SH3RF3: variants seen among roughly 807,000 people sequenced by gnomAD.
SH3RF3 encodes the protein E3 ubiquitin-protein ligase SH3RF3.
SH3RF3 carries 29 observed loss-of-function variants against 66.3 expected under a neutral mutation model. That is an observed-to-expected ratio of 0.44 (90% CI 0.33 to 0.60). SH3RF3 has a LOEUF of 0.60. Ranked by LOEUF, SH3RF3 falls within the 20% of genes least tolerant of loss-of-function variation. The pLI, the probability that SH3RF3 is intolerant of heterozygous loss-of-function variation, is 0.04. For missense variants in SH3RF3, 1,194 were observed against 1,190.9 expected (o/e 1.00, Z -0.04); for synonymous variants, 583 against 532.0 (o/e 1.10, Z -1.32).
intron 1 of SH3RF3, among the ~76,000 whole-genome samples, chr2:109,315,858 A>G (rs1045798078): frequency 6.6e-6 from 1 of 152,154 alleles, no homozygotes; most frequent in Admixed American, 6.5e-5. Flanking sequence ...TCAGGACGTG[A>G]TCTAGGCATC....
At chr2:109,440,145 T>C (rs1166268744) in intron 7 of SH3RF3, among the ~76,000 whole-genome samples, 1 of 152,216 alleles carries the variant, frequency 6.6e-6, no homozygotes, top group Non-Finnish European at 1.5e-5. Context: ...AGTTGTGACA[T>C]GACTGAAGCA....
chr2:109,451,535 T>G lies in SH3RF3; in HGVS notation c.2148+2046T>G, dbSNP rs551558452. The stretch of plus-strand genomic sequence containing the variant: ...ATTGCTGAGTGGGTTTCTATGACAT[T>G]ACGTCCTGTACGAATCTACACGGAG... On this transcript the variant is annotated intron_variant, in intron 8 of 9. Coordinates refer to ENST00000309415, the MANE Select transcript of SH3RF3 (RefSeq NM_001099289.3). Among the ~76,000 whole-genome samples, 203 of 151,274 alleles carry G rather than the reference T, an allele frequency of 1.3e-3. 3 individuals carry two copies. Among genetic ancestry groups the G allele is most frequent in the Middle Eastern group, 6.9e-3 (2 of 290 alleles).
intron 4 of SH3RF3, among the ~76,000 whole-genome samples, chr2:109,405,915 C>T (rs767720855): frequency 2.6e-5 from 4 of 152,246 alleles, no homozygotes; most frequent in Non-Finnish European, 5.9e-5. Flanking sequence ...AAGACAGCAC[C>T]GGCAGCATTC....
At chr2:109,175,254 C>G (rs1677888987) in intron 1 of SH3RF3, among the ~76,000 whole-genome samples, 1 of 152,152 alleles carries the variant, frequency 6.6e-6, no homozygotes, top group African/African-American at 2.4e-5. Context: ...TTGCCTGGCA[C>G]TTGTACTTCA....
chr2:109,497,279 T>C (rs1342223487), intron 9 of SH3RF3, among the ~76,000 whole-genome samples: 1 of 152,188 alleles, frequency 6.6e-6, no homozygotes, highest in Non-Finnish European at 1.5e-5. Context: ...TTCCATGGAC[T>C]CAGGGGCTCA....
chr2:109,240,501 A>C (rs1014941671), intron 1 of SH3RF3, among the ~76,000 whole-genome samples: 1 of 152,108 alleles, frequency 6.6e-6, no homozygotes, highest in African/African-American at 2.4e-5. Flanking sequence ...AAATACAAAC[A>C]ACAAAAACTA....
chr2:109,272,905 A>G (rs1000520892), intron 1 of SH3RF3, among the ~76,000 whole-genome samples: 3 of 152,174 alleles, frequency 2.0e-5, no homozygotes. Flanking sequence ...TTGTCATGCC[A>G]AGACAGTTTC....
chr2:109,351,082 G>A (rs558286664), intron 2 of SH3RF3, among the ~76,000 whole-genome samples: 1 of 152,342 alleles, frequency 6.6e-6, no homozygotes, highest in Admixed American at 6.5e-5. Context: ...ATCAGTTTTT[G>A]TAAAGCAGCT....
intron 1 of SH3RF3, among the ~76,000 whole-genome samples, chr2:109,318,728 G>A (rs767390714): frequency 1.3e-5 from 2 of 152,252 alleles, no homozygotes; most frequent in Admixed American, 6.5e-5. Context: ...CTGGCCAGCC[G>A]CCAGATACTG....
rs112998162 is a variant in SH3RF3 at position 109,145,271 on chromosome 2, T to C, written c.573+15158T>C. On this transcript the variant is annotated intron_variant, in intron 1 of 9. Transcript: ENST00000309415. ...CATCTGTGCCTGTGGCCCCGGTGATTGTCTTAAAATGCTGTTTGGTGGTTA... is the reference window on the plus strand; with the variant it reads ...CATCTGTGCCTGTGGCCCCGGTGATCGTCTTAAAATGCTGTTTGGTGGTTA... Among the ~76,000 whole-genome samples, 1,359 of 152,234 alleles carry C rather than the reference T, an allele frequency of 8.9e-3. 12 individuals are homozygous for C. Among genetic ancestry groups the C allele is most frequent in the East Asian group, 0.034 (175 of 5,174 alleles).
intron 1 of SH3RF3, among the ~76,000 whole-genome samples, chr2:109,334,608 G>A (rs564211296): frequency 1.3e-5 from 2 of 152,166 alleles, no homozygotes; most frequent in East Asian, 1.9e-4. Context: ...TGTCCACTGC[G>A]CTGATTCCAG....
intron 2 of SH3RF3, 65 bp from the exon 3 acceptor site, chr2:109,371,521 C>A (rs1683270240): frequency 7.1e-7 from 1 of 1,414,838 alleles, no homozygotes; most frequent in African/African-American, 1.4e-5. Context: ...TAACCAGTGT[C>A]TTGCTTCCTT....
At chr2:109,334,469 ACC>A (rs1469796330) in intron 1 of SH3RF3, among the ~76,000 whole-genome samples, 1 of 151,950 alleles carries the variant, frequency 6.6e-6, no homozygotes, top group Admixed American at 6.6e-5. Context: ...TTGGTCCAGA[ACC>A]CTGCGGACTT....
At chr2:109,153,464 G>T (rs1157604128) in intron 1 of SH3RF3, among the ~76,000 whole-genome samples, 1 of 152,122 alleles carries the variant, frequency 6.6e-6, no homozygotes, top group African/African-American at 2.4e-5. Context: ...AGGTATGAAA[G>T]GACATGAAAT....
At chr2:109,213,531 C>T (rs1187406614) in intron 1 of SH3RF3, among the ~76,000 whole-genome samples, 1 of 152,170 alleles carries the variant, frequency 6.6e-6, no homozygotes, top group Non-Finnish European at 1.5e-5. Flanking sequence ...CATCTGAAGC[C>T]TCTATCACCT....
At chr2:109,339,895 C>A (rs1480923106) in intron 1 of SH3RF3, among the ~76,000 whole-genome samples, 6 of 152,162 alleles carry the variant, frequency 3.9e-5, no homozygotes, top group African/African-American at 1.4e-4. Context: ...AGATAATTAT[C>A]AGGGCTCCAC....
chr2:109,322,177 G>C (rs909099685), intron 1 of SH3RF3, among the ~76,000 whole-genome samples: 3 of 152,104 alleles, frequency 2.0e-5, no homozygotes, highest in African/African-American at 7.2e-5. Flanking sequence ...ATACACAGGA[G>C]ACTCAGCGCC....
At chr2:109,369,903 G>T (rs78772733) in intron 2 of SH3RF3, among the ~76,000 whole-genome samples, 19,734 of 152,206 alleles carry the variant, frequency 0.13, 1,430 homozygotes, top group Middle Eastern at 0.24. Flanking sequence ...TTGCTGCTTT[G>T]TGTTACAGCA....
At chr2:109,457,902 C>T (rs557526444) in intron 8 of SH3RF3, among the ~76,000 whole-genome samples, 9 of 152,300 alleles carry the variant, frequency 5.9e-5, no homozygotes, top group East Asian at 3.9e-4. Flanking sequence ...GTCAGCATGG[C>T]GGGGCATCTC....
Sources: allele counts gnomAD v4.1 joint callset (sites outside exome capture counted in the v4.1 genomes callset), GRCh38; gene constraint gnomAD v4.1.1; transcripts MANE v1.5; gene names NCBI Gene and HGNC (gene_info 2026-07-23, HGNC 2026-07-21).